ZSCAN5B: variants seen among roughly 807,000 people sequenced by gnomAD.
ZSCAN5B encodes the protein zinc finger and SCAN domain containing 5B.
Under a neutral mutation model 25.2 loss-of-function variants are expected in ZSCAN5B, and 26 were observed. The ratio of observed to expected loss-of-function variants is 1.03; its 90% CI spans 0.76 to 1.43. The LOEUF (loss-of-function observed/expected upper bound fraction) is 1.43, where lower values mean the gene tolerates loss of function less well. ZSCAN5B is among the 40% of genes most tolerant of loss of function. The pLI, the probability that ZSCAN5B is intolerant of heterozygous loss-of-function variation, is 0.00. For synonymous variants in ZSCAN5B, 244 were observed against 240.9 expected (o/e 1.01, Z -0.12); for missense variants, 745 against 622.1 (o/e 1.20, Z -2.10).
chr19:56,192,244 G>T (rs1265411580), intron 2 of ZSCAN5B, among the ~76,000 whole-genome samples, 191 bp from the exon 3 acceptor site: 1 of 152,134 alleles, frequency 6.6e-6, no homozygotes, highest in East Asian at 1.9e-4. Context: ...ACATAAATAT[G>T]AGTCATTTAG....
rs573556274 is a variant in ZSCAN5B, at chr19:56,197,808, C to G, written c.-202G>C. On this transcript the variant is annotated 5_prime_UTR_variant, in exon 1 of 5. Coordinates refer to ENST00000586855, the Ensembl canonical transcript of ZSCAN5B. ...CAACCGGCCTGGAGCTGAACTGCGT[C>G]TATTTATGGAGAAGCGGGACTCCAG... 1.6e-5 allele frequency: 16 copies of G among 985,402 alleles called. No homozygotes were observed. The Admixed American group carries it at 3.1e-4, about 19-fold the overall frequency. 61.0% of individuals were successfully genotyped at this position (985,402 alleles called of 1,614,324 possible).
chr19:56,190,295 C>T lies in ZSCAN5B; in HGVS notation c.1020G>A (p.Pro340=), dbSNP rs367587385. ...CTTCTTGGCCATCTGGGTGACTGACCGGGCCCGCAGGGCCTGGGGAATGAA... is the reference window on the plus strand; with the variant it reads ...CTTCTTGGCCATCTGGGTGACTGACTGGGCCCGCAGGGCCTGGGGAATGAA... The change falls in exon 5 of 5, where the codon CCG becomes CCA. Residue 340 remains proline, a synonymous_variant. Coordinates refer to ENST00000586855, the Ensembl canonical transcript of ZSCAN5B. The T allele has an allele frequency of 4.5e-4, 728 of 1,613,438 alleles. 3 individuals carry two copies. The African/African-American group carries it at 8.0e-3, about 18-fold the overall frequency.
At chr19:56,193,051 A>C (rs950612646) in exon 2 of ZSCAN5B, 12 of 1,552,924 alleles carry the variant, frequency 7.7e-6, no homozygotes, top group Middle Eastern at 1.7e-4. Context: ...ATTTGCAGCC[A>C]TATCTACTGG....
intron 1 of ZSCAN5B, among the ~76,000 whole-genome samples, chr19:56,195,861 A>G (rs892713164): frequency 2.0e-5 from 3 of 151,520 alleles, no homozygotes; most frequent in Non-Finnish European, 2.9e-5. Context: ...AAAGTTATCT[A>G]TTTTTGTTTT....
intron 1 of ZSCAN5B, among the ~76,000 whole-genome samples, chr19:56,197,398 C>T (rs898205691): frequency 2.0e-5 from 3 of 152,008 alleles, no homozygotes; most frequent in Non-Finnish European, 2.9e-5. Context: ...CCACCACGCC[C>T]GGCTAATTTT....
At chr19:56,191,989 G>T in exon 3 of ZSCAN5B, 4 of 1,614,010 alleles carry the variant, frequency 2.5e-6, no homozygotes, top group South Asian at 1.1e-5. Context: ...ACTGGCGGGG[G>T]CTTCAGCCAT....
exon 2 of ZSCAN5B, chr19:56,192,882 G>A (rs751517999): frequency 6.2e-7 from 1 of 1,614,072 alleles, no homozygotes; most frequent in Non-Finnish European, 8.5e-7. Context: ...CCTGGATGGG[G>A]TCCGACTCCT....
chr19:56,197,289 C>A (rs1599942614), intron 1 of ZSCAN5B, among the ~76,000 whole-genome samples: 1 of 151,462 alleles, frequency 6.6e-6, no homozygotes, highest in Non-Finnish European at 1.5e-5. Context: ...TCTCCTGACT[C>A]AGTCTCCCGA....
intron 1 of ZSCAN5B, 45 bp downstream of exon 1, chr19:56,197,689 C>T: frequency 3.1e-6 from 3 of 964,724 alleles, no homozygotes; most frequent in Non-Finnish European, 3.7e-6. Flanking sequence ...CAACCCCCCG[C>T]ATGCCAGCTC....
In ZSCAN5B at chr19:56,193,111, A is replaced by T. The variant is rs553310630; in HGVS notation, c.-59T>A. On this transcript the variant is annotated 5_prime_UTR_variant, in exon 2 of 5. The change creates a new upstream start codon in the 5' untranslated region. Transcript: ENST00000586855. The stretch of plus-strand genomic sequence containing the variant: ...CAAGCTCTTCCAGTAGCCAGTATCA[A>T]ATTGAGACCTATTTACACAGGCTGC... 5 of 1,464,142 alleles carry T rather than the reference A, an allele frequency of 3.4e-6. No homozygotes were observed. The South Asian group carries it at 5.7e-5, about 17-fold the overall frequency. The allele number at this position is 1,464,142 out of a possible 1,614,324, so 90.7% of individuals were successfully genotyped here.
intron 1 of ZSCAN5B, among the ~76,000 whole-genome samples, chr19:56,194,143 G>A (rs916080905): frequency 1.3e-5 from 2 of 151,860 alleles, no homozygotes; most frequent in African/African-American, 4.8e-5. Context: ...TCCCCATCAG[G>A]AATTACCTCC....
intron 3 of ZSCAN5B, among the ~76,000 whole-genome samples, chr19:56,191,490 AAC>A (rs1428604969): frequency 2.0e-5 from 3 of 152,174 alleles, no homozygotes; most frequent in Non-Finnish European, 4.4e-5. Context: ...TTAAGAAATC[AAC>A]AGTCTGAGAA....
At chr19:56,190,350 T>A (rs1186075472) in exon 5 of ZSCAN5B, 1 of 1,614,156 alleles carries the variant, frequency 6.2e-7, no homozygotes. Flanking sequence ...TCCTGGGGAT[T>A]CTCTGTTGCC....
chr19:56,197,155 A>G (rs2032820641), intron 1 of ZSCAN5B, among the ~76,000 whole-genome samples: 1 of 151,972 alleles, frequency 6.6e-6, no homozygotes, highest in Admixed American at 6.6e-5. Context: ...GAGAAAGTTA[A>G]CATTATTACT....
chr19:56,192,777 G>A, exon 2 of ZSCAN5B: 6 of 1,610,828 alleles, frequency 3.7e-6, no homozygotes, highest in Middle Eastern at 1.8e-4. Context: ...TGGAGATCAT[G>A]AACTGCTCCA....
intron 2 of ZSCAN5B, among the ~76,000 whole-genome samples, 192 bp downstream of exon 2, chr19:56,192,477 G>A (rs1222253960): frequency 2.0e-5 from 3 of 152,148 alleles, no homozygotes; most frequent in South Asian, 2.1e-4. Context: ...GTTCCATCAG[G>A]CCTAATATTT....
exon 5 of ZSCAN5B, chr19:56,190,140 A>T (rs1284914390): frequency 1.2e-6 from 2 of 1,613,878 alleles, no homozygotes; most frequent in African/African-American, 2.7e-5. Context: ...GGGCTGCAAG[A>T]AGCGCTTCCG....
chr19:56,195,797 A>G (rs1568586810), intron 1 of ZSCAN5B, among the ~76,000 whole-genome samples: 2 of 152,090 alleles, frequency 1.3e-5, no homozygotes, highest in African/African-American at 2.4e-5. Flanking sequence ...ACACTCACGT[A>G]ACAAATCTGC....
At chr19:56,197,321 T>C (rs1045610387) in intron 1 of ZSCAN5B, among the ~76,000 whole-genome samples, 2 of 151,398 alleles carry the variant, frequency 1.3e-5, no homozygotes, top group Non-Finnish European at 2.9e-5. Context: ...TACCCTAACC[T>C]CTGCCTCCTG....
Sources: allele counts gnomAD v4.1 joint callset (sites outside exome capture counted in the v4.1 genomes callset), GRCh38; gene constraint gnomAD v4.1.1; transcripts MANE v1.5; gene names NCBI Gene and HGNC (gene_info 2026-07-23, HGNC 2026-07-21).